CCDC170: variants seen among roughly 807,000 people sequenced by gnomAD.
CCDC170 encodes the protein coiled-coil domain-containing protein 170.
Under a neutral mutation model 72.6 loss-of-function variants are expected in CCDC170, and 69 were observed. The observed-to-expected ratio is 0.95, with a 90% CI of 0.78 to 1.16. The LOEUF is 1.16. CCDC170 is among the 50% of genes most tolerant of loss of function. CCDC170 has a pLI of 0.00. For synonymous variants in CCDC170, 300 were observed against 303.9 expected, an observed-to-expected ratio of 0.99 and a Z score of 0.13; for missense variants, 852 against 832.5, an observed-to-expected ratio of 1.02 and a Z score of -0.29.
chr6:151,583,784 A>G (rs1016129186), intron 6 of CCDC170, among the ~76,000 whole-genome samples: 1 of 152,180 alleles, frequency 6.6e-6, no homozygotes, highest in South Asian at 2.1e-4. Flanking sequence ...TTGAAAACTT[A>G]GAGGCCATTG....
At chr6:151,550,537 T>G (rs1782861822) in intron 5 of CCDC170, among the ~76,000 whole-genome samples, 1 of 152,204 alleles carries the variant, frequency 6.6e-6, no homozygotes, top group Non-Finnish European at 1.5e-5. Context: ...ACCACTAGCT[T>G]TATTCTCCTG....
chr6:151,543,847 A>AT (rs1196862459), intron 3 of CCDC170, among the ~76,000 whole-genome samples: 3 of 151,954 alleles, frequency 2.0e-5, no homozygotes, highest in Non-Finnish European at 2.9e-5. Flanking sequence ...TATATATCAT[A>AT]TTTTTTTTCC....
chr6:151,593,207 C>T lies in CCDC170; in HGVS notation c.1394C>T (p.Thr465Ile), dbSNP rs542733808. 1 of 1,614,136 alleles carries T rather than the reference C, an allele frequency of 6.2e-7. No individual in the cohort carries two copies. Among genetic ancestry groups the T allele is most frequent in the South Asian group, 1.1e-5 (1 of 91,080 alleles). ...DMRLDVVLAR[T>I]EQLVRLESNA... ...CGGCTGGACGTGGTTTTAGCTCGAA[C>T]AGAGCAGCTGGTTCGTCTTGAGAGC... The change falls in exon 8 of 11, where the codon ACA becomes ATA. Residue 465 changes from threonine (T) to isoleucine (I), a missense_variant. Thr to Ile is a moderately conservative substitution (Grantham distance 89). Transcript: ENST00000239374.
intron 6 of CCDC170, among the ~76,000 whole-genome samples, chr6:151,580,973 G>A (rs1437254199): frequency 6.6e-6 from 1 of 152,124 alleles, no homozygotes; most frequent in Non-Finnish European, 1.5e-5. Flanking sequence ...AAACAATATA[G>A]ATACTTTAAT....
chr6:151,523,194 TTCTG>T lies in CCDC170; in HGVS notation c.58-13120_58-13117del, dbSNP rs142497869. 8.5e-3 allele frequency among the ~76,000 whole-genome samples: 1,290 copies of T among 152,240 alleles called. 23 individuals carry two copies. Among genetic ancestry groups the T allele is most frequent in the African/African-American group, 0.029 (1,220 of 41,524 alleles). ...AGTTTGTGCAGCTGGATGCTATGGATTCTGTCTAACAGAAGAAATGGGTCCTAGA... is the reference window on the plus strand; with the variant it reads ...AGTTTGTGCAGCTGGATGCTATGGATTCTAACAGAAGAAATGGGTCCTAGA... On this transcript the variant is annotated intron_variant, in intron 1 of 10. Coordinates refer to ENST00000239374, the MANE Select transcript of CCDC170 (RefSeq NM_025059.4).
intron 9 of CCDC170, among the ~76,000 whole-genome samples, chr6:151,605,677 G>A (rs2115132773): frequency 6.6e-6 from 1 of 152,166 alleles, no homozygotes; most frequent in Admixed American, 6.5e-5. Flanking sequence ...CTGCACTTGT[G>A]GTGCTGGGAA....
chr6:151,616,989 T>G (rs1475025103), intron 10 of CCDC170, among the ~76,000 whole-genome samples: 1 of 152,212 alleles, frequency 6.6e-6, no homozygotes, highest in East Asian at 1.9e-4. Flanking sequence ...AAATTCAAAC[T>G]GTAATAGCTA....
chr6:151,514,892 C>G (rs1226216901), intron 1 of CCDC170, among the ~76,000 whole-genome samples: 2 of 152,174 alleles, frequency 1.3e-5, no homozygotes, highest in Non-Finnish European at 2.9e-5. Flanking sequence ...TATTGAAATG[C>G]CTTCACATTA....
intron 1 of CCDC170, among the ~76,000 whole-genome samples, chr6:151,520,072 A>G (rs1402024658): frequency 1.3e-5 from 2 of 152,216 alleles, no homozygotes; most frequent in Non-Finnish European, 2.9e-5. Flanking sequence ...CCCAGCCCCT[A>G]TTCAAGATGG....
chr6:151,497,952 CAAAAAAA>C (rs59201906), intron 1 of CCDC170, among the ~76,000 whole-genome samples: 5 of 58,048 alleles, frequency 8.6e-5, no homozygotes, highest in Admixed American at 2.1e-4. Flanking sequence ...CACACCATCT[CAAAAAAA>C]AAAAAAAAAA....
intron 9 of CCDC170, among the ~76,000 whole-genome samples, chr6:151,611,308 A>G (rs973395449): frequency 6.6e-6 from 1 of 152,100 alleles, no homozygotes; most frequent in Admixed American, 6.6e-5. Flanking sequence ...ATCTTAGTCT[A>G]TTAAGGCTGC....
At chr6:151,587,628 T>C (rs933874081) in intron 7 of CCDC170, among the ~76,000 whole-genome samples, 10 of 152,144 alleles carry the variant, frequency 6.6e-5, no homozygotes, top group Non-Finnish European at 8.8e-5. Flanking sequence ...CATGCCTGCA[T>C]TGAGGTTGGA....
chr6:151,617,944 C>A lies in CCDC170; in HGVS notation c.1948-3C>A. On this transcript the variant is annotated splice_polypyrimidine_tract_variant and splice_region_variant and intron_variant, in intron 10 of 10. Transcript: ENST00000239374. ...GTTAATGAGTTTCTGTTTGATATTGCAGCTGGCAGACTTCAGGGAGGTGGT... is the reference window on the plus strand; with the variant it reads ...GTTAATGAGTTTCTGTTTGATATTGAAGCTGGCAGACTTCAGGGAGGTGGT... 2 of 1,610,804 alleles carry A rather than the reference C, an allele frequency of 1.2e-6. No individual in the cohort carries two copies. The highest frequency in any genetic ancestry group is 1.7e-6 in the Non-Finnish European group (2 of 1,177,716).
intron 9 of CCDC170, among the ~76,000 whole-genome samples, chr6:151,607,683 G>A (rs1405576935): frequency 1.3e-5 from 2 of 151,978 alleles, no homozygotes; most frequent in Non-Finnish European, 2.9e-5. Flanking sequence ...AACCTGTAAG[G>A]TTTCTCTTGA....
At chr6:151,563,673 G>A (rs966375631) in intron 5 of CCDC170, among the ~76,000 whole-genome samples, 25 of 152,258 alleles carry the variant, frequency 1.6e-4, no homozygotes, top group Middle Eastern at 3.4e-3. Flanking sequence ...GTCTGTGTGA[G>A]CTGGCCACCA....
chr6:151,585,595 T>C (rs1240894417), intron 6 of CCDC170, among the ~76,000 whole-genome samples: 1 of 152,224 alleles, frequency 6.6e-6, no homozygotes, highest in Admixed American at 6.5e-5. Context: ...TTGAAACTCT[T>C]AGCAATAGTT....
chr6:151,511,751 C>T (rs527966987), intron 1 of CCDC170, among the ~76,000 whole-genome samples: 84 of 152,172 alleles, frequency 5.5e-4, no homozygotes, highest in Middle Eastern at 3.4e-3. Flanking sequence ...TTTGAGAGGT[C>T]CAAGAAGATA....
chr6:151,558,588 C>G (rs1244717062), intron 5 of CCDC170, among the ~76,000 whole-genome samples: 1 of 152,116 alleles, frequency 6.6e-6, no homozygotes, highest in Admixed American at 6.6e-5. Context: ...AAGATAGTGA[C>G]CTAGTTTCAT....
rs999643347 is a variant in CCDC170 at position 151,558,242 on chromosome 6, T to G, written c.774+9753T>G. ...TTTATTGAGATTAGTGTTTTTTTTTTTTTTTTTTTTTTTAATGTTGACTTG... is the reference window on the plus strand; with the variant it reads ...TTTATTGAGATTAGTGTTTTTTTTTGTTTTTTTTTTTTTAATGTTGACTTG... On this transcript the variant is annotated intron_variant, in intron 5 of 10. Coordinates refer to ENST00000239374, the MANE Select transcript of CCDC170 (RefSeq NM_025059.4). 6.8e-3 allele frequency among the ~76,000 whole-genome samples: 1,024 copies of G among 149,600 alleles called. 15 individuals carry two copies. Among genetic ancestry groups the G allele is most frequent in the African/African-American group, 0.023 (942 of 40,696 alleles).
Sources: allele counts gnomAD v4.1 joint callset (sites outside exome capture counted in the v4.1 genomes callset), GRCh38; gene constraint gnomAD v4.1.1; transcripts MANE v1.5; gene names NCBI Gene and HGNC (gene_info 2026-07-23, HGNC 2026-07-21).